The following STIM1 variants were observed in gnomAD, a reference collection of about 807,000 sequenced individuals.
STIM1 encodes stromal interaction molecule 1.
In STIM1, 25 loss-of-function variants were observed where a neutral mutation model predicts 74.7. The observed-to-expected ratio is 0.33, with a 90% CI of 0.24 to 0.47. The LOEUF is 0.47. STIM1 is among the 20% of genes least tolerant of loss of function. The probability of loss-of-function intolerance (pLI) is 1.00; values close to 1 mark genes in which losing one functional copy is unlikely to be tolerated. For missense variants in STIM1, 728 were observed against 920.8 expected, an observed-to-expected ratio of 0.79 and a Z score of 2.71; for synonymous variants, 328 against 348.8, an observed-to-expected ratio of 0.94 and a Z score of 0.66.
At chr11:3,862,495 C>T (rs1400976634) in intron 1 of STIM1, among the ~76,000 whole-genome samples, 1 of 152,148 alleles carries the variant, frequency 6.6e-6, no homozygotes, top group Non-Finnish European at 1.5e-5. Context: ...ACCTCACCTT[C>T]ACTCGCCAAG....
intron 2 of STIM1, among the ~76,000 whole-genome samples, chr11:4,010,949 A>G (rs565453623): frequency 1.3e-5 from 2 of 152,008 alleles, no homozygotes; most frequent in Non-Finnish European, 2.9e-5. Flanking sequence ...ACTCCCACTT[A>G]TAAGTGAGAA....
At position 4,084,915 on chromosome 11, in the gene STIM1, G is replaced by T. The variant is rs555623397; in HGVS notation, c.1567+150G>T. ...ACTGTCCCTACTAACTACAGGGAGGGGTTCGGGGGTGAGAAGAATCAGCTT... is the reference window on the plus strand; with the variant it reads ...ACTGTCCCTACTAACTACAGGGAGGTGTTCGGGGGTGAGAAGAATCAGCTT... On this transcript the variant is annotated intron_variant, in intron 11 of 12. Coordinates refer to ENST00000526596, the MANE Select transcript of STIM1 (RefSeq NM_001382567.1). The T allele has an allele frequency of 3.5e-5, 19 of 539,428 alleles. No homozygotes were observed. In the African/African-American group the frequency reaches 3.7e-4, roughly 11 times the overall value. 33.4% of individuals were successfully genotyped at this position (539,428 alleles called of 1,614,324 possible). A position where few individuals can be genotyped will look rare whatever the true frequency, so the allele number is the denominator to read the frequency against.
intron 3 of STIM1, among the ~76,000 whole-genome samples, chr11:4,028,185 G>C (rs1391988438): frequency 6.6e-6 from 1 of 151,832 alleles, no homozygotes. Context: ...TGGATTCAAG[G>C]CTTCTTTTGC....
intron 1 of STIM1, among the ~76,000 whole-genome samples, chr11:3,937,074 G>A (rs1384978012): frequency 1.3e-5 from 2 of 151,908 alleles, no homozygotes; most frequent in Non-Finnish European, 2.9e-5. Context: ...GGGAGGCCGA[G>A]GAGTCCAGGA....
At chr11:3,949,110 G>A (rs1368634479) in intron 1 of STIM1, among the ~76,000 whole-genome samples, 1 of 152,186 alleles carries the variant, frequency 6.6e-6, no homozygotes. Context: ...GGTCCAAATT[G>A]TGATACAGAG....
chr11:4,087,595 G>A (rs1051863277), intron 12 of STIM1, among the ~76,000 whole-genome samples: 12 of 152,082 alleles, frequency 7.9e-5, no homozygotes, highest in African/African-American at 2.7e-4. Context: ...TTAGGAGATG[G>A]AGAACTACAA....
intron 12 of STIM1, chr11:4,088,581 G>A (rs2094506216): frequency 1.1e-6 from 1 of 885,328 alleles, no homozygotes; most frequent in Non-Finnish European, 1.8e-6. Flanking sequence ...GGGACACTAA[G>A]GGATGCTGTG....
At position 3,863,108 on chromosome 11, in the gene STIM1, G is replaced by C. The variant is rs148348880; in HGVS notation, c.139+6699G>C. On this transcript the variant is annotated intron_variant, in intron 1 of 12. Coordinates refer to ENST00000526596, the MANE Select transcript of STIM1 (RefSeq NM_001382567.1). ...AGGGTTTCACTGTGTTGGCCAGGCT[G>C]GTCCTGAACTCCTGACCTCAGATAA... 7.9e-3 allele frequency among the ~76,000 whole-genome samples: 1,196 copies of C among 152,024 alleles called. 16 individuals are homozygous for C. The highest frequency in any genetic ancestry group is 0.026 in the African/African-American group (1,096 of 41,466).
chr11:4,082,891 A>AT lies in STIM1; in HGVS notation c.1148dup (p.Lys386GlufsTer19). ...GGCCTCATCTTTGCAGGCTGAGAAGATAAAAAAGAAGAGAAACACACTCTT... is the reference window on the plus strand; with the variant it reads ...GGCCTCATCTTTGCAGGCTGAGAAGATTAAAAAAGAAGAGAAACACACTCTT... On this transcript the variant is annotated frameshift_variant, in exon 9 of 13. Transcript: ENST00000526596. LOFTEE classifies it high-confidence loss of function. 1 of 1,614,128 alleles carries AT rather than the reference A, an allele frequency of 6.2e-7. No individual in the cohort carries two copies. Among genetic ancestry groups the AT allele is most frequent in the Non-Finnish European group, 8.5e-7 (1 of 1,179,990 alleles).
intron 2 of STIM1, among the ~76,000 whole-genome samples, chr11:4,015,735 G>T (rs938873637): frequency 2.0e-5 from 3 of 152,204 alleles, no homozygotes; most frequent in African/African-American, 7.2e-5. Context: ...TGGAAGCTTT[G>T]TTCGTTTCTT....
At chr11:3,975,858 C>A (rs1408946852) in intron 2 of STIM1, among the ~76,000 whole-genome samples, 1 of 152,074 alleles carries the variant, frequency 6.6e-6, no homozygotes, top group Non-Finnish European at 1.5e-5. Flanking sequence ...AAGTCCTGGA[C>A]GAGGAGGAAG....
At chr11:3,979,602 C>T (rs924196029) in intron 2 of STIM1, among the ~76,000 whole-genome samples, 11 of 152,076 alleles carry the variant, frequency 7.2e-5, no homozygotes, top group African/African-American at 1.7e-4. Context: ...TGCACCACCA[C>T]ACTAGGCTAA....
chr11:3,997,695 T>C (rs938567900), intron 2 of STIM1, among the ~76,000 whole-genome samples: 4 of 152,096 alleles, frequency 2.6e-5, no homozygotes, highest in African/African-American at 9.7e-5. Context: ...GTCAGAGAGT[T>C]TTAAGTAATT....
At chr11:3,923,807 C>A (rs549359378) in intron 1 of STIM1, among the ~76,000 whole-genome samples, 2 of 152,074 alleles carry the variant, frequency 1.3e-5, no homozygotes, top group East Asian at 3.9e-4. Context: ...GGTTGTTGTT[C>A]TTCAGCAGTG....
At chr11:3,962,496 T>C (rs2093298152) in intron 1 of STIM1, among the ~76,000 whole-genome samples, 3 of 152,246 alleles carry the variant, frequency 2.0e-5, no homozygotes, top group South Asian at 4.1e-4. Flanking sequence ...ATATTTTCTT[T>C]ATGCAGTCAT....
At chr11:3,952,041 A>G (rs1214546335) in intron 1 of STIM1, among the ~76,000 whole-genome samples, 1 of 152,146 alleles carries the variant, frequency 6.6e-6, no homozygotes, top group Non-Finnish European at 1.5e-5. Context: ...TCTAGACCAG[A>G]TATTGTGCTG....
intron 1 of STIM1, among the ~76,000 whole-genome samples, chr11:3,895,651 T>C (rs967202766): frequency 3.4e-4 from 4 of 11,716 alleles, no homozygotes; most frequent in East Asian, 2.8e-3. Context: ...TCTTTCTTTC[T>C]TTCTTTCTTT....
rs145869313 is a variant in STIM1, at chr11:3,913,542, G to A, written c.140-54010G>A. Reference sequence around the variant, plus strand: ...ATCTCTTAGTCACACTATGCACCGGGTTCCTGACTGTTTCTTGCCATGCCT... The same window carrying A: ...ATCTCTTAGTCACACTATGCACCGGATTCCTGACTGTTTCTTGCCATGCCT... On this transcript the variant is annotated intron_variant, in intron 1 of 12. Coordinates refer to ENST00000526596, the MANE Select transcript of STIM1 (RefSeq NM_001382567.1). Among the ~76,000 whole-genome samples the A allele has an allele frequency of 6.8e-4, 103 of 152,224 alleles. 1 individual carries two copies. The highest frequency in any genetic ancestry group is 3.4e-3 in the Middle Eastern group (1 of 294).
chr11:4,074,733 G>GC (rs1369301345), intron 7 of STIM1, 54 bp downstream of exon 7: 48 of 1,539,108 alleles, frequency 3.1e-5, no homozygotes, highest in Non-Finnish European at 4.1e-5. Flanking sequence ...AAGGGCAGGG[G>GC]CCCAGGGTCT....
Sources: allele counts gnomAD v4.1 joint callset (sites outside exome capture counted in the v4.1 genomes callset), GRCh38; gene constraint gnomAD v4.1.1; transcripts MANE v1.5; gene names NCBI Gene and HGNC (gene_info 2026-07-23, HGNC 2026-07-21).